Variants in USP22 observed in about 807,000 individuals in gnomAD.
USP22 encodes the protein ubiquitin carboxyl-terminal hydrolase 22.
In USP22, 22 loss-of-function variants were observed where a neutral mutation model predicts 68.1. That is an observed-to-expected ratio of 0.32 (90% confidence interval 0.23 to 0.46). The LOEUF (loss-of-function observed/expected upper bound fraction) is 0.46. Among genes scored for constraint, USP22 ranks in the 20% least tolerant of loss-of-function variants. The pLI is 1.00. For missense variants in USP22, 433 were observed against 695.8 expected, an observed-to-expected ratio of 0.62 and a Z score of 4.25; for synonymous variants, 279 against 274.2, an observed-to-expected ratio of 1.02 and a Z score of -0.17.
At chr17:21,022,140 G>A (rs1167669448) in intron 2 of USP22, among the ~76,000 whole-genome samples, 3 of 152,048 alleles carry the variant, frequency 2.0e-5, no homozygotes, top group Admixed American at 6.6e-5. Context: ...AGTAATACTA[G>A]TATATTCTTT....
In USP22 at chr17:21,001,541, TC is replaced by T. The variant is rs1402236687; in HGVS notation, c.*1489del. 6.6e-6 allele frequency: 1 copy of T among 152,216 alleles called. No homozygotes were observed. Among genetic ancestry groups the T allele is most frequent in the Non-Finnish European group, 1.5e-5 (1 of 68,038 alleles). The allele number at this position is 152,216 out of a possible 1,614,324, so 9.4% of individuals were successfully genotyped here. A position where few individuals can be genotyped will look rare whatever the true frequency, so the allele number is the denominator to read the frequency against. On this transcript the variant is annotated 3_prime_UTR_variant, in exon 13 of 13. Transcript: ENST00000261497. Reference sequence around the variant, plus strand: ...AAAAGTTGTACTAGACACAGCCACATCTCTGTACTATTTATGGCAGAGACCA... The same window carrying T: ...AAAAGTTGTACTAGACACAGCCACATTCTGTACTATTTATGGCAGAGACCA...
At chr17:21,016,406 A>G (rs545732352) in intron 5 of USP22, among the ~76,000 whole-genome samples, 7 of 152,216 alleles carry the variant, frequency 4.6e-5, no homozygotes, top group Non-Finnish European at 7.3e-5. Flanking sequence ...ACCCAGCAGC[A>G]CACCTTCCAT....
At chr17:21,028,758 C>T (rs1972253979) in intron 1 of USP22, 84 bp from the exon 2 acceptor site, 18 of 1,489,972 alleles carry the variant, frequency 1.2e-5, no homozygotes, top group Admixed American at 4.4e-5. Flanking sequence ...AGCATCCCCC[C>T]GAGACAGCTA....
chr17:21,013,974 T>C (rs1314119381), intron 6 of USP22, among the ~76,000 whole-genome samples: 2 of 152,206 alleles, frequency 1.3e-5, no homozygotes, highest in Non-Finnish European at 2.9e-5. Context: ...CTCAGGAGGC[T>C]GAGGCAGAAG....
Position 21,023,861 on chromosome 17 carries a change from T to C in USP22, c.305-2635A>G, listed in dbSNP as rs1359028516. ...GGTAAGATGCTGATAGCAACGGTAC[T>C]AGTGCTTCCCAGAGCTGTGTGATGA... On this transcript the variant is annotated intron_variant, in intron 2 of 12. Coordinates refer to ENST00000261497, the MANE Select transcript of USP22 (RefSeq NM_015276.2). Among the ~76,000 whole-genome samples, 10 of 152,218 alleles carry C rather than the reference T, an allele frequency of 6.6e-5. 1 individual carries two copies. Among genetic ancestry groups the C allele is most frequent in the Admixed American group, 6.5e-4 (10 of 15,282 alleles).
intron 10 of USP22, among the ~76,000 whole-genome samples, chr17:21,005,608 A>C (rs1030444841): frequency 6.6e-6 from 1 of 152,158 alleles, no homozygotes; most frequent in Non-Finnish European, 1.5e-5. Context: ...CAGACTGATG[A>C]TATGGAGCTC....
chr17:21,033,977 G>A (rs1972324431), intron 1 of USP22, among the ~76,000 whole-genome samples: 1 of 151,868 alleles, frequency 6.6e-6, no homozygotes, highest in South Asian at 2.1e-4. Flanking sequence ...TTGAACTACT[G>A]ACCTCAAGTG....
At chr17:21,031,490 G>C (rs1452396268) in intron 1 of USP22, among the ~76,000 whole-genome samples, 1 of 151,302 alleles carries the variant, frequency 6.6e-6, no homozygotes, top group African/African-American at 2.4e-5. Flanking sequence ...CTCCATTATA[G>C]TCTCTCTCTA....
intron 1 of USP22, among the ~76,000 whole-genome samples, chr17:21,032,922 C>CAAAAAA (rs753804890): frequency 0.011 from 999 of 91,476 alleles, 63 homozygotes; most frequent in African/African-American, 0.041. Context: ...GACCCTGTCT[C>CAAAAAA]AAAAAAAAAA....
chr17:21,028,789 T>G, intron 1 of USP22, 115 bp from the exon 2 acceptor site: 12 of 1,333,752 alleles, frequency 9.0e-6, no homozygotes, highest in Non-Finnish European at 1.1e-5. Flanking sequence ...GGACAGGGAA[T>G]TCCATCTTCA....
rs758807945 is a variant in USP22 at position 21,012,818 on chromosome 17, C to G, written c.944+12G>C. 3.1e-6 allele frequency: 5 copies of G among 1,612,434 alleles called. No individual in the cohort carries two copies. Among genetic ancestry groups the G allele is most frequent in the Non-Finnish European group, 3.4e-6 (4 of 1,178,718 alleles). On this transcript the variant is annotated intron_variant, in intron 7 of 12. Coordinates refer to ENST00000261497, the MANE Select transcript of USP22 (RefSeq NM_015276.2). ...GGGTTTGATATTGCCGAGCACGCAG[C>G]CTCTCACTTACTGGCAGACTTGGCA...
intron 9 of USP22, 95 bp from the exon 10 acceptor site, chr17:21,007,082 T>C: frequency 9.3e-7 from 1 of 1,070,828 alleles, no homozygotes; most frequent in Non-Finnish European, 1.3e-6. Flanking sequence ...GGTGTCTGTG[T>C]TATCTCTTTT....
In USP22 at chr17:21,019,191, C is replaced by A. The variant is rs933082439; in HGVS notation, c.419-6G>T. On this transcript the variant is annotated splice_polypyrimidine_tract_variant and splice_region_variant and intron_variant, in intron 3 of 12. Coordinates refer to ENST00000261497, the MANE Select transcript of USP22 (RefSeq NM_015276.2). ...TGAAAACTTCTCTCCAACGCCTAAG[C>A]AGATGAAGGACAGTTCCAAGCGCTA... The A allele has an allele frequency of 2.4e-5, 39 of 1,613,530 alleles. No homozygotes were observed. Among genetic ancestry groups the A allele is most frequent in the Non-Finnish European group, 3.1e-5 (37 of 1,179,612 alleles).
intron 5 of USP22, 44 bp from the exon 6 acceptor site, chr17:21,015,943 G>A (rs1385649702): frequency 3.1e-6 from 5 of 1,604,396 alleles, no homozygotes; most frequent in Non-Finnish European, 1.7e-6. Flanking sequence ...AATAAATGTA[G>A]ACTCTGAACA....
Position 21,018,041 on chromosome 17 carries a change from C to T in USP22, c.591G>A (p.Thr197=), listed in dbSNP as rs539024227. ...ACAGGAAGAAGTCCCGCAGAAGTGG[C>T]GTGTGGGTCAGGGCCTGCACGATGC... ...MNCIVQALTH[T]PLLRDFFLSD... is the part of the protein sequence containing the mutation. Residue 197 remains threonine, a synonymous_variant, in exon 5 of 13, where the codon ACG becomes ACA. Coordinates refer to ENST00000261497, the MANE Select transcript of USP22 (RefSeq NM_015276.2). 6 of 1,613,988 alleles carry T rather than the reference C, an allele frequency of 3.7e-6. No homozygotes were observed. The highest frequency in any genetic ancestry group is 4.5e-5 in the East Asian group (2 of 44,868).
chr17:21,002,967 G>T lies in USP22; in HGVS notation c.*64C>A. On this transcript the variant is annotated 3_prime_UTR_variant, in exon 13 of 13. Coordinates refer to ENST00000261497, the MANE Select transcript of USP22 (RefSeq NM_015276.2). ...AGACTTGGGGGAGGGGGGGGCCAGG[G>T]AGGATCACTTTGTGAGGCTTGCCAA... 1 of 1,598,014 alleles carries T rather than the reference G, an allele frequency of 6.3e-7. No individual in the cohort carries two copies. Among genetic ancestry groups the T allele is most frequent in the South Asian group, 1.1e-5 (1 of 90,620 alleles).
intron 1 of USP22, among the ~76,000 whole-genome samples, chr17:21,040,335 T>C (rs1972410468): frequency 6.6e-6 from 1 of 152,218 alleles, no homozygotes; most frequent in Admixed American, 6.5e-5. Context: ...TAGAGAGTGC[T>C]AGAAATGCAG....
At chr17:21,003,174 C>A (rs1259624972) in intron 12 of USP22, 101 bp from the exon 13 acceptor site, 1 of 1,396,976 alleles carries the variant, frequency 7.2e-7, no homozygotes, top group Admixed American at 1.7e-5. Context: ...GCGCTCTGCA[C>A]AGGTCGGCCA....
chr17:21,034,941 T>C (rs1972335671), intron 1 of USP22, among the ~76,000 whole-genome samples: 1 of 152,216 alleles, frequency 6.6e-6, no homozygotes, highest in Non-Finnish European at 1.5e-5. Context: ...GGGTTCAGTA[T>C]TATCTGTGGT....
Sources: allele counts gnomAD v4.1 joint callset (sites outside exome capture counted in the v4.1 genomes callset), GRCh38; gene constraint gnomAD v4.1.1; transcripts MANE v1.5; gene names NCBI Gene and HGNC (gene_info 2026-07-23, HGNC 2026-07-21).